IPO5: variants seen among roughly 807,000 people sequenced by gnomAD.
IPO5 encodes importin 5.
Under a neutral mutation model 143.3 loss-of-function variants are expected in IPO5, and 18 were observed. The observed-to-expected ratio is 0.13, with a 90% CI of 0.09 to 0.19. The LOEUF is 0.19. IPO5 is among the 10% of genes least tolerant of loss of function. The pLI is 1.00. For missense variants in IPO5, 1,013 were observed against 1,336.9 expected, an observed-to-expected ratio of 0.76 and a Z score of 3.78; for synonymous variants, 477 against 465.7, an observed-to-expected ratio of 1.02 and a Z score of -0.31.
intron 11 of IPO5, among the ~76,000 whole-genome samples, chr13:97,993,867 C>T (rs1465167003): frequency 6.6e-6 from 1 of 152,192 alleles, no homozygotes; most frequent in Non-Finnish European, 1.5e-5. Flanking sequence ...GTGGTACCTA[C>T]CTTTTGTCTT....
In IPO5 at chr13:97,985,543, G is replaced by A. The variant is rs748037027; in HGVS notation, c.294G>A (p.Gln98=). 1.2e-6 allele frequency: 2 copies of A among 1,614,042 alleles called. No homozygotes were observed. Among genetic ancestry groups the A allele is most frequent in the Non-Finnish European group, 1.7e-6 (2 of 1,179,988 alleles). The change falls in exon 6 of 29, where the codon CAG becomes CAA. Residue 98 remains glutamine (Q), a synonymous_variant. Transcript: ENST00000651721. ...AGAGTGAGCTACTCATGATTATTCAGATGGAAACACAATCTAGCATGAGGA... is the reference window on the plus strand; with the variant it reads ...AGAGTGAGCTACTCATGATTATTCAAATGGAAACACAATCTAGCATGAGGA... ...AIKSELLMII[Q]METQSSMRKK...
intron 28 of IPO5, 47 bp downstream of exon 28, chr13:98,021,180 T>C (rs1299041034): frequency 6.5e-7 from 1 of 1,530,572 alleles, no homozygotes; most frequent in Non-Finnish European, 8.8e-7. Context: ...AAACCTTTTT[T>C]TCTTTGTAGT....
chr13:98,013,096 G>C (rs1889848086), intron 21 of IPO5, among the ~76,000 whole-genome samples: 1 of 152,050 alleles, frequency 6.6e-6, no homozygotes. Flanking sequence ...TCACTCTGTT[G>C]CCCAGGCTAG....
intron 6 of IPO5, among the ~76,000 whole-genome samples, chr13:97,988,808 TA>T (rs1224048614): frequency 6.6e-6 from 1 of 151,920 alleles, no homozygotes; most frequent in Non-Finnish European, 1.5e-5. Context: ...GAACCTCTGT[TA>T]ATATCTGATT....
chr13:97,996,405 A>G (rs955644739), intron 11 of IPO5, among the ~76,000 whole-genome samples: 5 of 152,214 alleles, frequency 3.3e-5, no homozygotes, highest in African/African-American at 1.2e-4. Flanking sequence ...CTAAGTCTCA[A>G]TAAAAACAAG....
rs140595504 is a variant in IPO5, at chr13:97,989,087, C to G, written c.390C>G (p.Pro130=). The G allele has an allele frequency of 4.7e-5, 76 of 1,612,850 alleles. No individual in the cohort carries two copies. In the African/African-American group the frequency reaches 7.2e-4, roughly 15 times the overall value. ...LIDEDGNNQW[P]EGLKFLFDSV... ...ATGAGGATGGCAATAACCAGTGGCC[C>G]GAAGGTTTGAAGTTCCTTTTTGATT... The change falls in exon 7 of 29, where the codon CCC becomes CCG. Residue 130 remains proline (P), a synonymous_variant. Transcript: ENST00000651721.
chr13:97,972,037 A>G (rs1885866968), intron 3 of IPO5, among the ~76,000 whole-genome samples: 1 of 152,220 alleles, frequency 6.6e-6, no homozygotes, highest in Admixed American at 6.5e-5. Context: ...TAATGCCATC[A>G]GCTTACATTG....
intron 18 of IPO5, among the ~76,000 whole-genome samples, chr13:98,009,100 C>T (rs1428322715): frequency 2.0e-5 from 3 of 152,140 alleles, no homozygotes; most frequent in Non-Finnish European, 4.4e-5. Context: ...AGGCGTGTTG[C>T]TCACCTTTGT....
chr13:97,969,316 G>A (rs1304807893), intron 2 of IPO5, among the ~76,000 whole-genome samples: 1 of 150,630 alleles, frequency 6.6e-6, no homozygotes, highest in African/African-American at 2.4e-5. Flanking sequence ...CGAGTAGCTG[G>A]GACTACAGGT....
intron 11 of IPO5, among the ~76,000 whole-genome samples, chr13:97,996,193 G>A (rs1888271116): frequency 6.6e-6 from 1 of 152,028 alleles, no homozygotes; most frequent in Non-Finnish European, 1.5e-5. Context: ...GGGACTACAG[G>A]CACGCACTAC....
rs1889000257 is a variant in IPO5, at chr13:98,003,905, G to A, written c.1497+868G>A. On this transcript the variant is annotated intron_variant, in intron 16 of 28. Coordinates refer to ENST00000651721, the MANE Select transcript of IPO5 (RefSeq NM_002271.6). ...AAACATTGAGTATTCTAACCAGAGT[G>A]GCAGAAATACAGAAGTTGTAGAAGC... Among the ~76,000 whole-genome samples the A allele has an allele frequency of 1.3e-5, 2 of 152,086 alleles. 1 individual carries two copies. Among genetic ancestry groups the A allele is most frequent in the Non-Finnish European group, 2.9e-5 (2 of 68,010 alleles).
chr13:98,015,858 T>C, intron 24 of IPO5, 77 bp downstream of exon 24: 2 of 864,802 alleles, frequency 2.3e-6, no homozygotes, highest in Non-Finnish European at 3.7e-6. Flanking sequence ...ATTTCTGATT[T>C]ATGTGACTTG....
intron 16 of IPO5, among the ~76,000 whole-genome samples, chr13:98,004,951 G>A (rs546819569): frequency 1.1e-4 from 17 of 151,676 alleles, no homozygotes; most frequent in African/African-American, 3.9e-4. Flanking sequence ...GCTGGAGTGC[G>A]ATAACGCACT....
intron 20 of IPO5, 102 bp from the exon 21 acceptor site, chr13:98,012,144 C>G: frequency 1.4e-6 from 1 of 714,374 alleles, no homozygotes; most frequent in South Asian, 1.6e-5. Context: ...TAGTTCTAGT[C>G]AAAATACAAC....
In IPO5 at chr13:97,993,019, A is replaced by G. The variant is rs1465204261; in HGVS notation, c.792+5A>G. On this transcript the variant is annotated splice_donor_5th_base_variant and intron_variant, in intron 10 of 28. Coordinates refer to ENST00000651721, the MANE Select transcript of IPO5 (RefSeq NM_002271.6). The stretch of plus-strand genomic sequence containing the variant: ...ACTCTACAGCTAAGTCTAAAGGTAA[A>G]TTAAGTACGTTAGTAAACGTTCTGT... 4 of 1,612,618 alleles carry G rather than the reference A, an allele frequency of 2.5e-6. No homozygotes were observed. In the East Asian group the frequency reaches 6.7e-5, roughly 27 times the overall value.
intron 2 of IPO5, chr13:97,963,056 G>C (rs1196703381): frequency 6.6e-6 from 1 of 152,114 alleles, no homozygotes; most frequent in Non-Finnish European, 1.5e-5. Flanking sequence ...CTCCATCTTT[G>C]CTATTAAGGC....
Position 98,009,883 on chromosome 13 carries a change from C to G in IPO5, c.1803C>G (p.Ile601Met). 6.3e-7 allele frequency: 1 copy of G among 1,597,122 alleles called. No individual in the cohort carries two copies. The highest frequency in any genetic ancestry group is 8.5e-7 in the Non-Finnish European group (1 of 1,171,162). The change falls in exon 19 of 29, where the codon ATC becomes ATG. Residue 601 changes from isoleucine to methionine, a missense_variant and splice_region_variant. Ile to Met is a conservative substitution (Grantham distance 10). This residue lies in a region of IPO5 where 685 missense variants were observed against 994.9 expected (regional missense o/e 0.69). Coordinates refer to ENST00000651721, the MANE Select transcript of IPO5 (RefSeq NM_002271.6). The stretch of plus-strand genomic sequence containing the variant: ...TTAATTTTAAAATTTTTCCCCAGAT[C>G]TCTTACATGATCTCAGCATGGGCCA... ...FNDMEDDDPQ[I>M]SYMISAWARM...
At position 98,012,291 on chromosome 13, in the gene IPO5, G is replaced by A. The variant is rs1489288750; in HGVS notation, c.2101G>A (p.Glu701Lys). The A allele has an allele frequency of 4.3e-6, 7 of 1,612,884 alleles. No individual in the cohort carries two copies. The highest frequency in any genetic ancestry group is 1.1e-5 in the South Asian group (1 of 91,044). Reference sequence around the variant, plus strand: ...AAAGGAAGGCTTTGTGGAGTACACCGAACAGGTTGTCAAACTGATGGTCCC... The same window carrying A: ...AAAGGAAGGCTTTGTGGAGTACACCAAACAGGTTGTCAAACTGATGGTCCC... ...ELKEGFVEYTEQVVKLMVPLL... is the reference protein window; with the variant it reads ...ELKEGFVEYTKQVVKLMVPLL... The change falls in exon 21 of 29, where the codon GAA becomes AAA. Residue 701 changes from glutamate (E) to lysine (K), a missense_variant. Physicochemically the swap from Glu to Lys is moderately conservative, Grantham distance 56. Coordinates refer to ENST00000651721, the MANE Select transcript of IPO5 (RefSeq NM_002271.6).
At chr13:98,000,454 A>G (rs2139758083) in intron 12 of IPO5, 85 bp from the exon 13 acceptor site, 2 of 853,100 alleles carry the variant, frequency 2.3e-6, no homozygotes, top group East Asian at 2.5e-5. Flanking sequence ...TTTAATAATA[A>G]TATGGTTAGA....
Sources: allele counts gnomAD v4.1 joint callset (sites outside exome capture counted in the v4.1 genomes callset), GRCh38; gene constraint gnomAD v4.1.1; regional missense constraint gnomAD v4.1.1; transcripts MANE v1.5; gene names NCBI Gene and HGNC (gene_info 2026-07-23, HGNC 2026-07-21).